DNAI1: variants seen among roughly 807,000 people sequenced by gnomAD.
The protein encoded by DNAI1 is dynein axonemal intermediate chain 1.
DNAI1 carries 67 observed loss-of-function variants against 92.0 expected under a neutral mutation model. The ratio of observed to expected loss-of-function variants is 0.73; its 90% CI spans 0.60 to 0.89. DNAI1 has a LOEUF of 0.89. Among genes scored for constraint, DNAI1 ranks in the 40% least tolerant of loss-of-function variants. DNAI1 has a pLI of 0.00. For synonymous variants in DNAI1, 323 were observed against 319.6 expected (o/e 1.01, Z -0.11); for missense variants, 839 against 866.6 (o/e 0.97, Z 0.40).
At chr9:34,517,231 G>C (rs1825185489) in intron 18 of DNAI1, 54 bp from the exon 19 acceptor site, 1 of 1,588,248 alleles carries the variant, frequency 6.3e-7, no homozygotes, top group Non-Finnish European at 8.6e-7. Flanking sequence ...ATTCCTCTGA[G>C]GTGGAAGACA....
chr9:34,495,580 C>T (rs1322690478), intron 9 of DNAI1, among the ~76,000 whole-genome samples: 1 of 152,144 alleles, frequency 6.6e-6, no homozygotes, highest in African/African-American at 2.4e-5. Flanking sequence ...TATTGATATG[C>T]CATTTCATGA....
At chr9:34,493,709 AGT>A (rs1405401456) in intron 9 of DNAI1, among the ~76,000 whole-genome samples, 1 of 152,160 alleles carries the variant, frequency 6.6e-6, no homozygotes, top group Non-Finnish European at 1.5e-5. Context: ...GATCTGGGAA[AGT>A]GAGATGTTTT....
chr9:34,506,817 C>A lies in DNAI1; in HGVS notation c.1254C>A (p.Ser418=), dbSNP rs1330401357. ...TTTACAACCTCAAGAAGCCCCACTC[C>A]CAGCCCTCCTTCTGCAGCTCAGCCA... ...VAIYNLKKPH[S]QPSFCSSAKS... is the part of the protein sequence containing the mutation. Residue 418 remains serine (S), a synonymous_variant, in exon 13 of 20, where the codon TCC becomes TCA. Coordinates refer to ENST00000242317, the MANE Select transcript of DNAI1 (RefSeq NM_012144.4). The A allele has an allele frequency of 6.2e-7, 1 of 1,614,152 alleles. No individual in the cohort carries two copies. The highest frequency in any genetic ancestry group is 2.2e-5 in the East Asian group (1 of 44,878).
At chr9:34,514,811 T>C in intron 18 of DNAI1, 72 bp downstream of exon 18, 1 of 1,505,818 alleles carries the variant, frequency 6.6e-7, no homozygotes, top group Non-Finnish European at 9.2e-7. Flanking sequence ...GGCTTCCTGA[T>C]GGAGAACCCA....
chr9:34,477,613 A>C (rs10972132), intron 1 of DNAI1, among the ~76,000 whole-genome samples: 3,400 of 152,250 alleles, frequency 0.022, 97 homozygotes, highest in East Asian at 0.12. Flanking sequence ...GATTATTAAG[A>C]AAGATATTAA....
At chr9:34,520,195 A>C (rs2132089146) in intron 19 of DNAI1, among the ~76,000 whole-genome samples, 1 of 152,226 alleles carries the variant, frequency 6.6e-6, no homozygotes, top group Admixed American at 6.5e-5. Flanking sequence ...GGACTAGGTG[A>C]GGTCCGGGCC....
chr9:34,497,346 A>G (rs1824747334), intron 10 of DNAI1, 147 bp downstream of exon 10: 3 of 704,660 alleles, frequency 4.3e-6, no homozygotes, highest in Non-Finnish European at 7.8e-6. Context: ...GTCACTGGGG[A>G]GACAAGACTT....
chr9:34,499,421 T>A (rs1213717635), intron 10 of DNAI1, among the ~76,000 whole-genome samples: 3 of 152,246 alleles, frequency 2.0e-5, no homozygotes, highest in African/African-American at 7.2e-5. Flanking sequence ...GTTAATGAAT[T>A]TCACTGCATT....
intron 1 of DNAI1, among the ~76,000 whole-genome samples, chr9:34,468,243 G>A (rs140612167): frequency 0.013 from 1,944 of 151,788 alleles, 20 homozygotes; most frequent in Non-Finnish European, 0.021. Flanking sequence ...ATGCAGTGGC[G>A]CGATCTCGGC....
intron 1 of DNAI1, 118 bp downstream of exon 1, chr9:34,459,171 C>T: frequency 1.0e-6 from 1 of 987,646 alleles, no homozygotes; most frequent in Non-Finnish European, 1.6e-6. Flanking sequence ...GCCTTCTCAC[C>T]CCCGTGACCT....
At chr9:34,490,812 G>A (rs1824575654) in intron 7 of DNAI1, among the ~76,000 whole-genome samples, 1 of 152,200 alleles carries the variant, frequency 6.6e-6, no homozygotes, top group African/African-American at 2.4e-5. Context: ...GGGAACAGGA[G>A]GCCTAGGAGC....
At position 34,491,477 on chromosome 9, in the gene DNAI1, T is replaced by C; in HGVS notation, c.622-18T>C. 3 of 1,614,148 alleles carry C rather than the reference T, an allele frequency of 1.9e-6. No individual in the cohort carries two copies. The highest frequency in any genetic ancestry group is 2.2e-5 in the South Asian group (2 of 91,078). On this transcript the variant is annotated intron_variant, in intron 7 of 19. Coordinates refer to ENST00000242317, the MANE Select transcript of DNAI1 (RefSeq NM_012144.4). ...AGTTGAGGGCTTTTTGTGGGTCTCCTGTTGTCTTGTTCTTTAGGATCGAGA... is the reference window on the plus strand; with the variant it reads ...AGTTGAGGGCTTTTTGTGGGTCTCCCGTTGTCTTGTTCTTTAGGATCGAGA...
chr9:34,506,487 GA>G lies in DNAI1; in HGVS notation c.1064-138del, dbSNP rs1391323910. On this transcript the variant is annotated intron_variant, in intron 12 of 19. Transcript: ENST00000242317. ...ATTCCACTTCACAGATGGAAAAGAT[GA>G]ATCCCAGAGAGGAATCCCACACTCT... 7 of 1,126,692 alleles carry G rather than the reference GA, an allele frequency of 6.2e-6. No homozygotes were observed. In the East Asian group the frequency reaches 1.8e-4, roughly 29 times the overall value. The allele number at this position is 1,126,692 out of a possible 1,614,324, so 69.8% of individuals were successfully genotyped here. A position where few individuals can be genotyped will look rare whatever the true frequency, so the allele number is the denominator to read the frequency against.
rs150511935 is a variant in DNAI1 at position 34,480,399 on chromosome 9, G to A, written c.49-3049G>A. On this transcript the variant is annotated intron_variant, in intron 1 of 19. Coordinates refer to ENST00000242317, the MANE Select transcript of DNAI1 (RefSeq NM_012144.4). ...TTCAAGCGATTTTCTTGCCTCAGCC[G>A]CTTGAATAGCTGAGATTACAGGTGT... Among the ~76,000 whole-genome samples, 58 of 148,216 alleles carry A rather than the reference G, an allele frequency of 3.9e-4. No individual in the cohort carries two copies. The South Asian group carries it at 7.0e-3, about 18-fold the overall frequency.
chr9:34,512,977 G>A (rs1246904881), intron 15 of DNAI1, 135 bp from the exon 16 acceptor site: 9 of 786,650 alleles, frequency 1.1e-5, no homozygotes, highest in Non-Finnish European at 2.1e-5. Context: ...CCCTTACAGG[G>A]GCCCTAGTTC....
At position 34,513,147 on chromosome 9, in the gene DNAI1, G is replaced by T; in HGVS notation, c.1525G>T (p.Asp509Tyr). Residue 509 changes from aspartate to tyrosine, a missense_variant, in exon 16 of 20, where the codon GAC becomes TAC. Transcript: ENST00000242317. ...TGCCTTTGACTTCCACAAAGAGATT[G>T]ACTACATGTTCCTAGTGGGCACAGA... is the stretch of plus-strand genomic sequence containing the variant. ...GTAFDFHKEI[D>Y]YMFLVGTEEG... is the part of the protein sequence containing the mutation. 1 of 1,614,172 alleles carries T rather than the reference G, an allele frequency of 6.2e-7. No homozygotes were observed. Among genetic ancestry groups the T allele is most frequent in the South Asian group, 1.1e-5 (1 of 91,076 alleles).
chr9:34,459,072 C>A lies in DNAI1; in HGVS notation c.48+19C>A, dbSNP rs1263531592. 6.2e-7 allele frequency: 1 copy of A among 1,612,498 alleles called. No homozygotes were observed. The highest frequency in any genetic ancestry group is 1.7e-5 in the Admixed American group (1 of 60,022). ...TAAGCAGGTAACGTACGCACACCTT[C>A]CTTCTGATGACCTCTGACCTTCGTC... On this transcript the variant is annotated intron_variant, in intron 1 of 19. Coordinates refer to ENST00000242317, the MANE Select transcript of DNAI1 (RefSeq NM_012144.4).
At chr9:34,506,360 C>T (rs1047225232) in intron 12 of DNAI1, among the ~76,000 whole-genome samples, 5 of 152,202 alleles carry the variant, frequency 3.3e-5, no homozygotes, top group Non-Finnish European at 5.9e-5. Flanking sequence ...CAGCATCCCC[C>T]TTTCCTGCAC....
intron 16 of DNAI1, among the ~76,000 whole-genome samples, chr9:34,513,562 T>G (rs1284783473): frequency 2.6e-5 from 4 of 152,194 alleles, no homozygotes; most frequent in African/African-American, 9.7e-5. Context: ...CTCTGAATAC[T>G]GGGTACATCC....
Sources: allele counts gnomAD v4.1 joint callset (sites outside exome capture counted in the v4.1 genomes callset), GRCh38; gene constraint gnomAD v4.1.1; transcripts MANE v1.5; gene names NCBI Gene and HGNC (gene_info 2026-07-23, HGNC 2026-07-21).